PCDH7: variants seen among roughly 807,000 people sequenced by gnomAD.
PCDH7 encodes protocadherin-7.
A neutral mutation model predicts 58.9 loss-of-function variants in PCDH7; 17 were observed. The observed-to-expected ratio is 0.29, with a 90% CI of 0.20 to 0.43. PCDH7 has a LOEUF of 0.43. Ranked by LOEUF, PCDH7 falls within the 20% of genes least tolerant of loss-of-function variation. PCDH7 has a pLI of 1.00. For missense variants in PCDH7, 1,274 were observed against 1,441.0 expected (o/e 0.88, Z 1.88); for synonymous variants, 664 against 616.4 (o/e 1.08, Z -1.14).
chr4:31,083,163 T>C (rs1482600995), intron 3 of PCDH7, among the ~76,000 whole-genome samples: 1 of 152,042 alleles, frequency 6.6e-6, no homozygotes, highest in Non-Finnish European at 1.5e-5. Context: ...CAATGTACAC[T>C]ACTCAGGGGG....
chr4:30,736,553 TGAG>T (rs1446672367), downstream of PCDH7, among the ~76,000 whole-genome samples: 3 of 139,442 alleles, frequency 2.2e-5, no homozygotes, highest in Admixed American at 2.2e-4. Flanking sequence ...TTTTTTTTTT[TGAG>T]ACGGGGTCTC....
At chr4:30,933,682 C>T (rs1052750588) in intron 2 of PCDH7, among the ~76,000 whole-genome samples, 3 of 152,122 alleles carry the variant, frequency 2.0e-5, no homozygotes, top group African/African-American at 7.2e-5. Context: ...AACTATCTAT[C>T]AATTTTTTAG....
At chr4:30,903,962 T>C (rs548572382) in intron 1 of PCDH7, among the ~76,000 whole-genome samples, 1 of 152,240 alleles carries the variant, frequency 6.6e-6, no homozygotes, top group Non-Finnish European at 1.5e-5. Context: ...TACAACACAA[T>C]ATATTGAGTG....
At chr4:30,808,526 T>A (rs1041546453) in intron 1 of PCDH7, among the ~76,000 whole-genome samples, 1 of 152,190 alleles carries the variant, frequency 6.6e-6, no homozygotes, top group Non-Finnish European at 1.5e-5. Context: ...GTCTCCTTTT[T>A]AATGATATTT....
chr4:31,129,711 C>T (rs1329433216), intron 3 of PCDH7, among the ~76,000 whole-genome samples: 1 of 152,090 alleles, frequency 6.6e-6, no homozygotes, highest in Non-Finnish European at 1.5e-5. Flanking sequence ...CGGCTCACTG[C>T]AACCTCCACA....
chr4:30,843,934 TA>T (rs1560427510), intron 1 of PCDH7, among the ~76,000 whole-genome samples: 1 of 151,632 alleles, frequency 6.6e-6, no homozygotes, highest in South Asian at 2.1e-4. Context: ...AAAATAAAAA[TA>T]AAAAATAAAA....
chr4:30,950,236 C>T (rs1747216327), intron 3 of PCDH7: 1 of 152,584 alleles, frequency 6.6e-6, no homozygotes. Context: ...TCTCATGAAA[C>T]AGTGTAGCTG....
intron 3 of PCDH7, among the ~76,000 whole-genome samples, chr4:31,068,727 G>T (rs996904465): frequency 6.6e-6 from 1 of 151,980 alleles, no homozygotes; most frequent in Non-Finnish European, 1.5e-5. Context: ...TTGAGATTGA[G>T]TTATAAGAAA....
At chr4:31,104,769 G>A (rs1715335211) in intron 3 of PCDH7, among the ~76,000 whole-genome samples, 1 of 152,198 alleles carries the variant, frequency 6.6e-6, no homozygotes, top group Non-Finnish European at 1.5e-5. Context: ...CCAGAATTGT[G>A]TTTGTTGTGG....
In PCDH7 at chr4:30,722,813, G is replaced by A. The variant is rs1577528860; in HGVS notation, c.1391G>A (p.Gly464Asp). Residue 464 changes from glycine to aspartate, a missense_variant, in exon 1 of 2, where the codon GGC (glycine) becomes GAC (aspartate). Gly to Asp is a moderately conservative substitution (Grantham distance 94). Coordinates refer to ENST00000361762, the Ensembl canonical transcript of PCDH7. This position sits in a 1 kb window ranked among gnomAD's most constrained non-coding sequence, Gnocchi z 7.6. ...GGGGTGGTCACCTGCACCGTGGTGG[G>A]CGACGTGCCCTTCCAGCTCAAGCCA... 2 of 1,613,646 alleles carry A rather than the reference G, an allele frequency of 1.2e-6. No homozygotes were observed. Among genetic ancestry groups the A allele is most frequent in the African/African-American group, 1.3e-5 (1 of 75,028 alleles).
At chr4:31,023,747 T>C (rs1754210144) in intron 3 of PCDH7, among the ~76,000 whole-genome samples, 1 of 152,178 alleles carries the variant, frequency 6.6e-6, no homozygotes, top group African/African-American at 2.4e-5. Flanking sequence ...AGAAGAATGA[T>C]TGTACATAAA....
chr4:31,104,897 T>C (rs1041834258), intron 3 of PCDH7, among the ~76,000 whole-genome samples: 1 of 152,166 alleles, frequency 6.6e-6, no homozygotes. Context: ...CAAAGCTGCA[T>C]TGGTAAAATT....
At chr4:30,939,130 G>A (rs1745728497) in intron 2 of PCDH7, among the ~76,000 whole-genome samples, 1 of 152,202 alleles carries the variant, frequency 6.6e-6, no homozygotes, top group South Asian at 2.1e-4. Flanking sequence ...GGAGCACTTA[G>A]GCCTGCCACT....
chr4:30,732,970 T>C (rs1715730628), exon 2 of PCDH7: 1 of 152,214 alleles, frequency 6.6e-6, no homozygotes, highest in South Asian at 2.1e-4. Context: ...AAAAAATCTT[T>C]GAACACGTGC....
At chr4:30,764,515 A>AT (rs1227524428) in intron 1 of PCDH7, among the ~76,000 whole-genome samples, 2 of 152,188 alleles carry the variant, frequency 1.3e-5, no homozygotes, top group Non-Finnish European at 2.9e-5. Context: ...TTGACTGAAG[A>AT]TTACCCAAAC....
chr4:30,820,031 A>G (rs1728184157), intron 1 of PCDH7, among the ~76,000 whole-genome samples: 1 of 152,134 alleles, frequency 6.6e-6, no homozygotes, highest in Admixed American at 6.6e-5. Context: ...AAAAATGCTA[A>G]TAGGTCAAGA....
chr4:31,004,699 G>A (rs1192573654), intron 3 of PCDH7, among the ~76,000 whole-genome samples: 2 of 152,020 alleles, frequency 1.3e-5, no homozygotes, highest in Admixed American at 6.6e-5. Flanking sequence ...AAAGAATGAC[G>A]ACAGTAATAA....
chr4:30,821,992 A>G (rs1356365547), intron 1 of PCDH7, among the ~76,000 whole-genome samples: 1 of 152,156 alleles, frequency 6.6e-6, no homozygotes, highest in Non-Finnish European at 1.5e-5. Flanking sequence ...AGAGTGAGAT[A>G]AATTGAGTTA....
rs1047011 is a variant in PCDH7, at chr4:30,723,922, C to G, written c.2500C>G (p.Leu834Val). The G allele has an allele frequency of 3.1e-6, 5 of 1,613,934 alleles. No homozygotes were observed. The South Asian group carries it at 4.4e-5, about 14-fold the overall frequency. ...GCAGCCTTCCCAGTCCACCACGACTCTGGTGCACGTGTTTGTCAATGAAAG... is the reference window on the plus strand; with the variant it reads ...GCAGCCTTCCCAGTCCACCACGACTGTGGTGCACGTGTTTGTCAATGAAAG... Residue 834 changes from leucine (L) to valine (V), a missense_variant, in exon 1 of 2, where the codon CTG becomes GTG. Physicochemically the swap from Leu to Val is conservative, Grantham distance 32 (BLOSUM62 1). Transcript: ENST00000361762. The surrounding 1 kb of genome is among the most constrained non-coding windows in gnomAD (Gnocchi z 4.6).
Sources: gnomAD v4.1 joint callset for allele counts (sites outside exome capture counted in the v4.1 genomes callset) on GRCh38, gnomAD v4.1.1 for gene constraint, Gnocchi (gnomAD v3.1) non-coding constraint, MANE v1.5 for transcripts, NCBI Gene and HGNC (gene_info 2026-07-23, HGNC 2026-07-21) for gene names.